Variants in FAM193A observed in about 807,000 individuals in gnomAD.
FAM193A encodes the protein protein FAM193A.
FAM193A carries 22 observed loss-of-function variants against 126.5 expected under a neutral mutation model. The ratio of observed to expected loss-of-function variants is 0.17; its 90% CI spans 0.12 to 0.25. The LOEUF (loss-of-function observed/expected upper bound fraction) is 0.25, where lower values mean the gene tolerates loss of function less well. Ranked by LOEUF, FAM193A falls within the 10% of genes least tolerant of loss-of-function variation. FAM193A has a pLI of 1.00. For synonymous variants in FAM193A, 761 were observed against 646.8 expected (o/e 1.18, Z -2.68); for missense variants, 1,675 against 1,672.8 (o/e 1.00, Z -0.02).
chr4:2,659,463 G>T, intron 8 of FAM193A, 95 bp from the exon 9 acceptor site: 1 of 865,100 alleles, frequency 1.2e-6, no homozygotes, highest in South Asian at 1.5e-5. Flanking sequence ...CAGTGCCCGT[G>T]AACATGATAC....
At chr4:2,588,605 C>T (rs1459836354) in intron 1 of FAM193A, among the ~76,000 whole-genome samples, 2 of 152,144 alleles carry the variant, frequency 1.3e-5, no homozygotes. Flanking sequence ...CAAATGGCTA[C>T]TTTGGATTTG....
rs371043408 is a variant in FAM193A, at chr4:2,690,673, T to G, written c.2531-25T>G. 7.3e-5 allele frequency: 117 copies of G among 1,592,982 alleles called. No individual in the cohort carries two copies. The African/African-American group carries it at 1.5e-3, about 21-fold the overall frequency. On this transcript the variant is annotated intron_variant, in intron 14 of 20. Transcript: ENST00000637812. ...CTAAGTATGATTGCTGTCAGAAGCC[T>G]TAATTTTCCTGTTCTTCTTTGAAGG...
At chr4:2,595,545 G>T (rs1281847271) in intron 1 of FAM193A, among the ~76,000 whole-genome samples, 1 of 152,166 alleles carries the variant, frequency 6.6e-6, no homozygotes, top group African/African-American at 2.4e-5. Context: ...GGTGATAAGA[G>T]ATGAGCTCAG....
chr4:2,599,410 TGG>T (rs1365283012), intron 2 of FAM193A, among the ~76,000 whole-genome samples: 1 of 152,098 alleles, frequency 6.6e-6, no homozygotes, highest in Admixed American at 6.5e-5. Flanking sequence ...GCTCTGTCTC[TGG>T]TCAGGGCTCT....
chr4:2,579,696 C>T (rs946412223), intron 1 of FAM193A, among the ~76,000 whole-genome samples: 9 of 149,312 alleles, frequency 6.0e-5, no homozygotes, highest in Non-Finnish European at 3.0e-5. Flanking sequence ...GAGGCCCTGT[C>T]TCAAAAACAA....
intron 7 of FAM193A, 133 bp from the exon 8 acceptor site, chr4:2,657,670 T>C: frequency 6.5e-6 from 4 of 618,250 alleles, no homozygotes; most frequent in Non-Finnish European, 1.1e-5. Context: ...GTATTGTATC[T>C]TTATTCTGTT....
intron 1 of FAM193A, among the ~76,000 whole-genome samples, chr4:2,572,521 T>C (rs1266677297): frequency 6.6e-6 from 1 of 152,088 alleles, no homozygotes; most frequent in South Asian, 2.1e-4. Flanking sequence ...ATTTGTAAAC[T>C]GAGAGATGGA....
intron 1 of FAM193A, among the ~76,000 whole-genome samples, chr4:2,541,160 C>T (rs1192931702): frequency 1.3e-5 from 2 of 151,702 alleles, no homozygotes; most frequent in East Asian, 2.0e-4. Context: ...ATCCTAGCTA[C>T]TCAGGAGGCT....
chr4:2,688,003 A>G (rs1715936055), intron 13 of FAM193A, among the ~76,000 whole-genome samples: 1 of 152,172 alleles, frequency 6.6e-6, no homozygotes, highest in African/African-American at 2.4e-5. Context: ...AGAACCCTCC[A>G]GGGAACCCTC....
chr4:2,728,960 G>A (rs1487649332), intron 20 of FAM193A, among the ~76,000 whole-genome samples: 2 of 129,982 alleles, frequency 1.5e-5, no homozygotes, highest in Non-Finnish European at 1.5e-5. Context: ...CGTCCAGGCC[G>A]TAGTGCAGTG....
rs1712207286 is a variant in FAM193A, at chr4:2,659,923, T to A, written c.1614T>A (p.Ala538=). The A allele has an allele frequency of 6.2e-7, 1 of 1,614,206 alleles. No individual in the cohort carries two copies. Among genetic ancestry groups the A allele is most frequent in the Non-Finnish European group, 8.5e-7 (1 of 1,180,044 alleles). ...IHQLPLQVDP[A]PDYLAERSPP... ...AGCTCCCACTTCAAGTGGATCCTGC[T>A]CCTGACTATCTTGCTGAGAGGAGCC... The change falls in exon 10 of 21, where the codon GCT becomes GCA. Residue 538 remains alanine, a synonymous_variant. Transcript: ENST00000637812.
Position 2,625,326 on chromosome 4 carries a change from G to A in FAM193A, c.566G>A (p.Arg189Lys), listed in dbSNP as rs1577091190. The stretch of plus-strand genomic sequence containing the variant: ...CAGCCAGAGGCCGGCAGTGGTGGGA[G>A]GCTCGCTCTGGGTGCACAGACGCTG... Reference protein sequence around the residue: ...GSQPEAGSGGRLALGAQTLPS... With the variant: ...GSQPEAGSGGKLALGAQTLPS... Residue 189 changes from arginine to lysine, a missense_variant, in exon 3 of 21, where the codon AGG becomes AAG. Physicochemically the swap from Arg to Lys is conservative, Grantham distance 26. Coordinates refer to ENST00000637812, the MANE Select transcript of FAM193A (RefSeq NM_001366318.2). 5.7e-6 allele frequency: 4 copies of A among 703,052 alleles called. No homozygotes were observed. Among genetic ancestry groups the A allele is most frequent in the African/African-American group, 1.7e-5 (1 of 57,408 alleles). The allele number at this position is 703,052 out of a possible 1,614,324, so 43.6% of individuals were successfully genotyped here.
intron 7 of FAM193A, among the ~76,000 whole-genome samples, chr4:2,652,368 C>T (rs1417717039): frequency 6.6e-6 from 1 of 152,152 alleles, no homozygotes; most frequent in African/African-American, 2.4e-5. Flanking sequence ...CTTGATTTAT[C>T]CCTGGTGTAT....
rs374208792 is a variant in FAM193A, at chr4:2,655,447, CTG to C, written c.1312-2338_1312-2337del. ...GACGTGTGTGTGTGTGCGTGTGCGC[CTG>C]TGTGTGTGTGTGTGTGTATTCGGAC... On this transcript the variant is annotated intron_variant, in intron 7 of 20. Coordinates refer to ENST00000637812, the MANE Select transcript of FAM193A (RefSeq NM_001366318.2). Among the ~76,000 whole-genome samples, 180 of 148,490 alleles carry C rather than the reference CTG, an allele frequency of 1.2e-3. 1 individual carries two copies. Among genetic ancestry groups the C allele is most frequent in the African/African-American group, 3.7e-3 (149 of 40,776 alleles).
At chr4:2,608,976 T>G (rs1188160816) in intron 2 of FAM193A, among the ~76,000 whole-genome samples, 2 of 151,260 alleles carry the variant, frequency 1.3e-5, no homozygotes, top group East Asian at 3.9e-4. Flanking sequence ...CTGCAAGCTC[T>G]GCCTCCCGGG....
chr4:2,558,296 A>G (rs1255204313), intron 1 of FAM193A, among the ~76,000 whole-genome samples: 2 of 152,134 alleles, frequency 1.3e-5, no homozygotes, highest in Non-Finnish European at 2.9e-5. Flanking sequence ...AAGGAAAGAA[A>G]AAAATAGTGT....
intron 5 of FAM193A, among the ~76,000 whole-genome samples, chr4:2,634,384 A>T (rs1347013072): frequency 2.6e-5 from 4 of 152,218 alleles, no homozygotes; most frequent in Non-Finnish European, 5.9e-5. Context: ...GAGAATTCGA[A>T]TAGATAAAAT....
Position 2,582,468 on chromosome 4 carries a change from C to T in FAM193A, c.256-13616C>T, listed in dbSNP as rs1740003696. On this transcript the variant is annotated intron_variant, in intron 1 of 20. Coordinates refer to ENST00000637812, the MANE Select transcript of FAM193A (RefSeq NM_001366318.2). ...TATTTCCTTCCTTCCTTCTCCTTCC[C>T]TCCTCTCTCTCTTTCTTTCTTATTT... Among the ~76,000 whole-genome samples the T allele has an allele frequency of 1.3e-5, 2 of 152,112 alleles. 1 individual carries two copies. The highest frequency in any genetic ancestry group is 1.3e-4 in the Admixed American group (2 of 15,244).
At chr4:2,625,150 A>G (rs1742829124) in intron 2 of FAM193A, 112 bp from the exon 3 acceptor site, 3 of 587,812 alleles carry the variant, frequency 5.1e-6, no homozygotes, top group Admixed American at 2.9e-5. Context: ...TTTCTTTTCA[A>G]TGTTTAGGTT....
Sources: gnomAD v4.1 joint callset for allele counts (sites outside exome capture counted in the v4.1 genomes callset) on GRCh38, gnomAD v4.1.1 for gene constraint, MANE v1.5 for transcripts, NCBI Gene and HGNC (gene_info 2026-07-23, HGNC 2026-07-21) for gene names.